The following PCDH9 variants were observed in gnomAD, a reference collection of about 807,000 sequenced individuals.
The protein encoded by PCDH9 is protocadherin 9, also known as protocadherin-9.
In PCDH9, 24 loss-of-function variants were observed where a neutral mutation model predicts 70.6. That is an observed-to-expected ratio of 0.34 (90% CI 0.25 to 0.48). PCDH9 has a LOEUF of 0.48. Among genes scored for constraint, PCDH9 ranks in the 20% least tolerant of loss-of-function variants. PCDH9 has a pLI of 0.99. For synonymous variants in PCDH9, 562 were observed against 558.5 expected (o/e 1.01, Z -0.09); for missense variants, 1,281 against 1,503.6 (o/e 0.85, Z 2.45).
intron 2 of PCDH9, among the ~76,000 whole-genome samples, chr13:66,907,500 T>C (rs568437869): frequency 6.6e-6 from 1 of 152,326 alleles, no homozygotes; most frequent in East Asian, 1.9e-4. Context: ...GGATAAATCA[T>C]GCCACTCCAA....
rs1955403868 is a variant in PCDH9 at position 66,303,376 on chromosome 13, T to C, written c.*1279A>G. ...CCTGCCAGGCATTGACCAACTATGA[T>C]AACAAACAGTTAAACAGCAATAATT... is the stretch of plus-strand genomic sequence containing the variant. On this transcript the variant is annotated 3_prime_UTR_variant, in exon 5 of 5. Transcript: ENST00000377865. 6.6e-6 allele frequency: 1 copy of C among 152,494 alleles called. No homozygotes were observed. The highest frequency in any genetic ancestry group is 2.4e-5 in the African/African-American group (1 of 41,428). The allele number at this position is 152,494 out of a possible 1,614,324, so 9.4% of individuals were successfully genotyped here. A position where few individuals can be genotyped will look rare whatever the true frequency, so the allele number is the denominator to read the frequency against.
chr13:67,048,715 T>C (rs1184647303), intron 2 of PCDH9, among the ~76,000 whole-genome samples: 1 of 152,224 alleles, frequency 6.6e-6, no homozygotes, highest in Non-Finnish European at 1.5e-5. Context: ...GTAAAGCCTG[T>C]ACCTTTCCCA....
intron 2 of PCDH9, among the ~76,000 whole-genome samples, chr13:67,104,869 T>G (rs1314728390): frequency 6.6e-6 from 1 of 152,136 alleles, no homozygotes; most frequent in Non-Finnish European, 1.5e-5. Context: ...TTTTAACCTG[T>G]AGGATCCCCC....
chr13:66,863,623 T>C (rs1431618566), intron 3 of PCDH9, among the ~76,000 whole-genome samples: 1 of 152,064 alleles, frequency 6.6e-6, no homozygotes, highest in Non-Finnish European at 1.5e-5. Context: ...GTAGCTAGGA[T>C]TACAGGCACC....
rs193293881 is a variant in PCDH9, at chr13:66,756,948, T to G, written c.3139-125537A>C. 5.2e-3 allele frequency among the ~76,000 whole-genome samples: 794 copies of G among 152,288 alleles called. 4 individuals are homozygous for G. Among genetic ancestry groups the G allele is most frequent in the African/African-American group, 0.018 (755 of 41,580 alleles). ...GCCTCCCGGGTTCAAGCAATTCTCC[T>G]GCCTCAGCCTCCCAAGTAGCTGGGA... On this transcript the variant is annotated intron_variant, in intron 3 of 4. Coordinates refer to ENST00000377865, the MANE Select transcript of PCDH9 (RefSeq NM_203487.3).
At chr13:66,610,132 C>G (rs2077274700) in intron 4 of PCDH9, among the ~76,000 whole-genome samples, 1 of 151,852 alleles carries the variant, frequency 6.6e-6, no homozygotes, top group African/African-American at 2.4e-5. Flanking sequence ...TGTTATCTAC[C>G]AGATCTTGTT....
chr13:66,566,735 AGGGCCCGT>A (rs371298430), intron 4 of PCDH9, among the ~76,000 whole-genome samples: 51,955 of 151,936 alleles, frequency 0.34, 9,283 homozygotes, highest in African/African-American at 0.44. Flanking sequence ...TTAGAAACCA[AGGGCCCGT>A]CTTGATGGTC....
chr13:67,216,709 G>GATAT (rs1210035845), intron 2 of PCDH9: 9 of 49,356 alleles, frequency 1.8e-4, no homozygotes, highest in East Asian at 1.0e-3. Flanking sequence ...TATATATATG[G>GATAT]ATATATATAC....
chr13:66,485,114 C>T (rs907380054), intron 4 of PCDH9, among the ~76,000 whole-genome samples: 8 of 152,020 alleles, frequency 5.3e-5, no homozygotes, highest in African/African-American at 1.9e-4. Flanking sequence ...CTAAGGTGTT[C>T]GGTACTGACA....
intron 3 of PCDH9, among the ~76,000 whole-genome samples, chr13:66,853,906 G>T (rs1178875398): frequency 6.6e-6 from 1 of 151,900 alleles, no homozygotes; most frequent in Non-Finnish European, 1.5e-5. Flanking sequence ...TATACATTGA[G>T]AAAACTATGA....
rs2077139690 is a variant in PCDH9 at position 66,599,459 on chromosome 13, T to C, written c.3340+31751A>G. ...TTACCTGAAATGTTAATGTTTAGTT[T>C]ATATTTGCAACTGTTTTTACTTTCT... On this transcript the variant is annotated intron_variant, in intron 4 of 4. Transcript: ENST00000377865. Among the ~76,000 whole-genome samples the C allele has an allele frequency of 2.0e-5, 3 of 151,932 alleles. No individual in the cohort carries two copies. In the South Asian group the frequency reaches 6.2e-4, roughly 31 times the overall value.
At chr13:67,183,866 GA>G (rs908273795) in intron 2 of PCDH9, among the ~76,000 whole-genome samples, 7 of 151,764 alleles carry the variant, frequency 4.6e-5, no homozygotes, top group African/African-American at 7.3e-5. Flanking sequence ...AATTTAAAAA[GA>G]AAAAAAATAT....
intron 3 of PCDH9, among the ~76,000 whole-genome samples, chr13:66,781,310 A>G (rs1268561082): frequency 2.0e-5 from 3 of 152,194 alleles, no homozygotes; most frequent in Non-Finnish European, 4.4e-5. Context: ...CAACAACTGT[A>G]CTAGGATTCA....
At chr13:66,948,818 T>C (rs1353029267) in intron 2 of PCDH9, among the ~76,000 whole-genome samples, 1 of 152,116 alleles carries the variant, frequency 6.6e-6, no homozygotes, top group Non-Finnish European at 1.5e-5. Flanking sequence ...AAGAATATAT[T>C]TGAAAGCCTC....
chr13:66,692,455 T>C (rs551709959), intron 3 of PCDH9, among the ~76,000 whole-genome samples: 1 of 152,154 alleles, frequency 6.6e-6, no homozygotes, highest in Admixed American at 6.5e-5. Context: ...CAGCTATCGA[T>C]TAAAGTTCAC....
intron 3 of PCDH9, among the ~76,000 whole-genome samples, chr13:66,806,939 C>T (rs2080419944): frequency 1.3e-5 from 2 of 152,144 alleles, no homozygotes; most frequent in Admixed American, 1.3e-4. Flanking sequence ...TTCTGTCTCT[C>T]ATCACACTTC....
chr13:66,778,512 G>T (rs1042680936), intron 3 of PCDH9, among the ~76,000 whole-genome samples: 2 of 152,010 alleles, frequency 1.3e-5, no homozygotes, highest in African/African-American at 4.8e-5. Context: ...CTTACCATGT[G>T]GCCTGTCACA....
chr13:66,833,767 T>G (rs1167402416), intron 3 of PCDH9, among the ~76,000 whole-genome samples: 2 of 152,216 alleles, frequency 1.3e-5, no homozygotes, highest in Non-Finnish European at 2.9e-5. Flanking sequence ...TTTATGAGTA[T>G]ATGATCATTA....
At chr13:66,901,034 G>A (rs931606671) in intron 3 of PCDH9, among the ~76,000 whole-genome samples, 1 of 151,322 alleles carries the variant, frequency 6.6e-6, no homozygotes, top group Admixed American at 6.6e-5. Flanking sequence ...TTAAAAAAGT[G>A]GTTACTAAAA....
Sources: gnomAD v4.1 joint callset for allele counts (sites outside exome capture counted in the v4.1 genomes callset) on GRCh38, gnomAD v4.1.1 for gene constraint, MANE v1.5 for transcripts, NCBI Gene and HGNC (gene_info 2026-07-23, HGNC 2026-07-21) for gene names.